The following ADAMTSL1 variants were observed in gnomAD, a reference collection of about 807,000 sequenced individuals.
ADAMTSL1 encodes ADAMTS like 1.
A neutral mutation model predicts 201.8 loss-of-function variants in ADAMTSL1; 126 were observed. The ratio of observed to expected loss-of-function variants is 0.62; its 90% confidence interval spans 0.54 to 0.72. The LOEUF is 0.72. Among genes scored for constraint, ADAMTSL1 ranks in the 30% least tolerant of loss-of-function variants. The pLI is 0.00. For missense variants in ADAMTSL1, 2,679 were observed against 2,277.8 expected (o/e 1.18, Z -3.59); for synonymous variants, 1,121 against 903.4 (o/e 1.24, Z -4.32).
At chr9:18,310,362 T>C (rs570813184) in intron 2 of ADAMTSL1, among the ~76,000 whole-genome samples, 1 of 49,364 alleles carries the variant, frequency 2.0e-5, no homozygotes, top group African/African-American at 8.1e-5. Context: ...AAAGAGCTTC[T>C]GCATAGCAAA....
intron 2 of ADAMTSL1, among the ~76,000 whole-genome samples, chr9:18,196,552 T>C (rs887409885): frequency 6.6e-6 from 1 of 152,110 alleles, no homozygotes; most frequent in Admixed American, 6.6e-5. Context: ...CTTGGCCTAA[T>C]CTCTGCTGGC....
intron 7 of ADAMTSL1, among the ~76,000 whole-genome samples, chr9:18,639,848 A>C (rs934858357): frequency 6.6e-6 from 1 of 152,148 alleles, no homozygotes; most frequent in African/African-American, 2.4e-5. Flanking sequence ...GCTGGCAAGA[A>C]AACTAAGTTG....
At chr9:18,444,391 A>G (rs1820110359) in intron 2 of ADAMTSL1, among the ~76,000 whole-genome samples, 1 of 152,146 alleles carries the variant, frequency 6.6e-6, no homozygotes, top group Admixed American at 6.5e-5. Flanking sequence ...TTGTTACTAA[A>G]TGGTGGATAT....
At chr9:18,533,725 A>T (rs1302088271) in intron 3 of ADAMTSL1, among the ~76,000 whole-genome samples, 2 of 152,248 alleles carry the variant, frequency 1.3e-5, no homozygotes, top group African/African-American at 4.8e-5. Context: ...TACAAGAATA[A>T]ATAACATATG....
intron 2 of ADAMTSL1, among the ~76,000 whole-genome samples, chr9:18,214,430 A>G (rs2132330135): frequency 6.6e-6 from 1 of 152,336 alleles, no homozygotes; most frequent in East Asian, 1.9e-4. Context: ...TTGTTTTCTG[A>G]ATCTGTCTAA....
In ADAMTSL1 at chr9:18,706,966, C is replaced by A. The variant is rs373891228; in HGVS notation, c.1794C>A (p.Leu598=). 6.2e-7 allele frequency: 1 copy of A among 1,613,810 alleles called. No individual in the cohort carries two copies. The highest frequency in any genetic ancestry group is 1.1e-5 in the South Asian group (1 of 91,082). The change falls in exon 14 of 29, where the codon CTC becomes CTA. Residue 598 remains leucine (L), a synonymous_variant. Coordinates refer to ENST00000380548, the MANE Select transcript of ADAMTSL1 (RefSeq NM_001040272.6). ...TCAACCCAGACGAGACAGATGGGCT[C>A]TTTGGTGGCCTGCAGGATTTCGACG... The part of the protein sequence containing the change: ...PEFNPDETDG[L]FGGLQDFDEL...
At chr9:18,141,110 C>T (rs1245966090) in intron 1 of ADAMTSL1, among the ~76,000 whole-genome samples, 1 of 152,184 alleles carries the variant, frequency 6.6e-6, no homozygotes, top group Non-Finnish European at 1.5e-5. Flanking sequence ...ATGCCAAGCC[C>T]TGGGCTCGAA....
intron 2 of ADAMTSL1, among the ~76,000 whole-genome samples, chr9:18,233,216 C>T (rs751414095): frequency 6.6e-6 from 1 of 152,100 alleles, no homozygotes; most frequent in Non-Finnish European, 1.5e-5. Context: ...ATATTTTCAT[C>T]GTCAATTCAC....
intron 1 of ADAMTSL1, among the ~76,000 whole-genome samples, chr9:17,982,015 C>G (rs1440555335): frequency 2.6e-5 from 4 of 152,198 alleles, no homozygotes; most frequent in South Asian, 2.1e-4. Flanking sequence ...GCTTTCCACT[C>G]AGATGCACTT....
At chr9:18,518,814 T>C (rs561830548) in intron 2 of ADAMTSL1, among the ~76,000 whole-genome samples, 63 of 152,350 alleles carry the variant, frequency 4.1e-4, no homozygotes, top group African/African-American at 1.5e-3. Flanking sequence ...ATTCAAGCGA[T>C]TCTCCTGCCT....
chr9:18,674,905 A>G (rs1830050549), intron 9 of ADAMTSL1, among the ~76,000 whole-genome samples: 1 of 152,168 alleles, frequency 6.6e-6, no homozygotes, highest in South Asian at 2.1e-4. Flanking sequence ...CCCATGAATC[A>G]TTAGTCCTCC....
At chr9:18,743,356 A>C (rs1029677987) in intron 15 of ADAMTSL1, among the ~76,000 whole-genome samples, 5 of 152,214 alleles carry the variant, frequency 3.3e-5, no homozygotes, top group Non-Finnish European at 5.9e-5. Context: ...GCATGCTAGT[A>C]ATGAGATGGT....
At chr9:18,847,903 A>T (rs1563854706) in intron 23 of ADAMTSL1, among the ~76,000 whole-genome samples, 1 of 152,256 alleles carries the variant, frequency 6.6e-6, no homozygotes, top group Non-Finnish European at 1.5e-5. Context: ...AAATGCTCAC[A>T]TTTATAAACA....
chr9:17,930,149 T>TCGGTCA (rs1317016961), intron 1 of ADAMTSL1, among the ~76,000 whole-genome samples: 1 of 152,168 alleles, frequency 6.6e-6, no homozygotes, highest in East Asian at 1.9e-4. Flanking sequence ...ACAAAATTTC[T>TCGGTCA]CGGTCACATA....
intron 7 of ADAMTSL1, among the ~76,000 whole-genome samples, chr9:18,645,163 T>G (rs1333737411): frequency 1.3e-5 from 2 of 152,212 alleles, no homozygotes; most frequent in Non-Finnish European, 2.9e-5. Flanking sequence ...TTTTCATGTG[T>G]CTTTTGGCTG....
At chr9:18,294,496 G>A (rs1185651228) in intron 2 of ADAMTSL1, among the ~76,000 whole-genome samples, 1 of 152,200 alleles carries the variant, frequency 6.6e-6, no homozygotes, top group Non-Finnish European at 1.5e-5. Flanking sequence ...GAGTACCTTT[G>A]TCTAATTCAT....
chr9:18,211,694 G>C (rs983769178), intron 2 of ADAMTSL1, among the ~76,000 whole-genome samples: 2 of 152,126 alleles, frequency 1.3e-5, no homozygotes, highest in African/African-American at 4.8e-5. Flanking sequence ...TTTTAGAAGA[G>C]AATTTCACCG....
upstream of ADAMTSL1, chr9:18,473,838 G>C (rs1309263611): frequency 8.2e-6 from 2 of 243,874 alleles, no homozygotes; most frequent in Non-Finnish European, 1.6e-5. Flanking sequence ...GAACTAACCA[G>C]GTCCATGGGA....
At chr9:18,310,899 G>A (rs757078587) in intron 2 of ADAMTSL1, among the ~76,000 whole-genome samples, 5 of 152,126 alleles carry the variant, frequency 3.3e-5, no homozygotes, top group Non-Finnish European at 5.9e-5. Context: ...GAAGACACAT[G>A]CACATGTATG....
Sources: allele counts gnomAD v4.1 joint callset (sites outside exome capture counted in the v4.1 genomes callset), GRCh38; gene constraint gnomAD v4.1.1; transcripts MANE v1.5; gene names NCBI Gene and HGNC (gene_info 2026-07-23, HGNC 2026-07-21).